VAV3: variants seen among roughly 807,000 people sequenced by gnomAD.
VAV3 encodes guanine nucleotide exchange factor VAV3.
Under a neutral mutation model 131.2 loss-of-function variants are expected in VAV3, and 94 were observed. That is an observed-to-expected ratio of 0.72 (90% CI 0.61 to 0.85). VAV3 has a LOEUF of 0.85. Among genes scored for constraint, VAV3 ranks in the 40% least tolerant of loss-of-function variants. The probability of loss-of-function intolerance (pLI) is 0.00; values close to 1 mark genes in which losing one functional copy is unlikely to be tolerated. For missense variants in VAV3, 939 were observed against 1,002.7 expected (o/e 0.94, Z 0.86); for synonymous variants, 349 against 342.0 (o/e 1.02, Z -0.22).
At chr1:107,695,130 G>A (rs1304574682) in intron 17 of VAV3, among the ~76,000 whole-genome samples, 1 of 152,124 alleles carries the variant, frequency 6.6e-6, no homozygotes, top group Non-Finnish European at 1.5e-5. Flanking sequence ...ACTGTGAGTA[G>A]TTAAAGAGAG....
intron 21 of VAV3, among the ~76,000 whole-genome samples, chr1:107,616,471 ACTAC>A (rs1653162749): frequency 6.6e-6 from 1 of 152,188 alleles, no homozygotes; most frequent in Non-Finnish European, 1.5e-5. Context: ...GGATCTAAAC[ACTAC>A]CTATCAGGTA....
At chr1:107,791,637 T>C (rs1426054496) in intron 2 of VAV3, among the ~76,000 whole-genome samples, 1 of 152,162 alleles carries the variant, frequency 6.6e-6, no homozygotes, top group Non-Finnish European at 1.5e-5. Flanking sequence ...AAATAGTCTG[T>C]GATGGGGCCT....
intron 1 of VAV3, among the ~76,000 whole-genome samples, chr1:107,938,475 G>A (rs749721409): frequency 2.0e-5 from 3 of 152,190 alleles, no homozygotes; most frequent in Non-Finnish European, 4.4e-5. Context: ...TCTGTTCCCT[G>A]TAGAAACAGG....
intron 17 of VAV3, among the ~76,000 whole-genome samples, chr1:107,695,883 T>C (rs758853116): frequency 3.3e-5 from 5 of 152,156 alleles, no homozygotes; most frequent in Non-Finnish European, 7.4e-5. Context: ...GAGTAAAAGA[T>C]TATCTACCTC....
chr1:107,633,895 G>A (rs990970578), intron 20 of VAV3, among the ~76,000 whole-genome samples: 22 of 152,120 alleles, frequency 1.4e-4, no homozygotes, highest in African/African-American at 4.8e-4. Flanking sequence ...ACGGGCATTC[G>A]AGACCTTACA....
chr1:107,585,554 C>T (rs746518871), intron 25 of VAV3, among the ~76,000 whole-genome samples: 2 of 152,136 alleles, frequency 1.3e-5, no homozygotes, highest in African/African-American at 4.8e-5. Flanking sequence ...TCCTCTTGGT[C>T]CTTCTGCTCT....
intron 15 of VAV3, among the ~76,000 whole-genome samples, 190 bp downstream of exon 15, chr1:107,748,778 C>G (rs1359753209): frequency 6.6e-6 from 1 of 152,146 alleles, no homozygotes. Context: ...CAACAAAACT[C>G]CTCTCCTAGG....
intron 19 of VAV3, among the ~76,000 whole-genome samples, chr1:107,661,772 T>G (rs1335631255): frequency 6.6e-6 from 1 of 152,190 alleles, no homozygotes; most frequent in East Asian, 1.9e-4. Context: ...CGTGTATATG[T>G]GTTGTCAAAT....
At chr1:107,635,887 A>G (rs924823752) in intron 20 of VAV3, among the ~76,000 whole-genome samples, 1 of 152,218 alleles carries the variant, frequency 6.6e-6, no homozygotes, top group Non-Finnish European at 1.5e-5. Context: ...CTAAGTTACT[A>G]GCTGTGTGTC....
At chr1:107,767,806 C>T (rs949989361) in intron 7 of VAV3, among the ~76,000 whole-genome samples, 1 of 152,184 alleles carries the variant, frequency 6.6e-6, no homozygotes, top group Non-Finnish European at 1.5e-5. Context: ...TGACATTTAG[C>T]TTGCTTCTAG....
intron 24 of VAV3, among the ~76,000 whole-genome samples, chr1:107,599,285 C>G (rs1651649606): frequency 6.6e-6 from 1 of 152,172 alleles, no homozygotes; most frequent in African/African-American, 2.4e-5. Context: ...CACCATGGAT[C>G]TTTTCCAATT....
chr1:107,872,717 C>T (rs17020234), intron 2 of VAV3, among the ~76,000 whole-genome samples: 10,100 of 152,186 alleles, frequency 0.066, 459 homozygotes, highest in East Asian at 0.21. Context: ...AATGTTTGCA[C>T]TATGGTACAG....
At chr1:107,676,137 T>C (rs1473929461) in intron 19 of VAV3, among the ~76,000 whole-genome samples, 4 of 152,204 alleles carry the variant, frequency 2.6e-5, no homozygotes, top group Non-Finnish European at 5.9e-5. Flanking sequence ...AGCCTCTCTT[T>C]CCTCTCTCTT....
At chr1:107,874,865 A>C in intron 2 of VAV3, 36 bp downstream of exon 2, 1 of 1,560,724 alleles carries the variant, frequency 6.4e-7, no homozygotes, top group Non-Finnish European at 8.8e-7. Context: ...AATGCTTTCC[A>C]GTTAAAAAGT....
At chr1:107,732,788 T>C (rs1309677958) in intron 15 of VAV3, among the ~76,000 whole-genome samples, 1 of 152,162 alleles carries the variant, frequency 6.6e-6, no homozygotes, top group African/African-American at 2.4e-5. Flanking sequence ...GGGCAGGGCA[T>C]AGCTGAATAA....
chr1:107,895,846 C>T (rs1365879700), intron 1 of VAV3, among the ~76,000 whole-genome samples: 2 of 151,154 alleles, frequency 1.3e-5, no homozygotes, highest in African/African-American at 4.9e-5. Flanking sequence ...AAACATTAAT[C>T]ACATAGCAAT....
rs760718551 is a variant in VAV3, at chr1:107,964,790, G to C, written c.80C>G (p.Ser27Trp). Residue 27 changes from serine to tryptophan, a missense_variant, in exon 1 of 27, where the codon TCG becomes TGG. Coordinates refer to ENST00000370056, the MANE Select transcript of VAV3 (RefSeq NM_006113.5). ...LPTNHRVTWD[S>W]AQVFDLAQTL... is the part of the protein sequence containing the mutation. ...CTGCGCAAGGTCGAACACCTGAGCC[G>C]AGTCCCAGGTCACCCGGTGGTTGGT... 6.2e-7 allele frequency: 1 copy of C among 1,614,024 alleles called. No homozygotes were observed. The highest frequency in any genetic ancestry group is 1.1e-5 in the South Asian group (1 of 91,056).
chr1:107,586,436 T>C (rs1317736984), intron 25 of VAV3, among the ~76,000 whole-genome samples: 1 of 152,132 alleles, frequency 6.6e-6, no homozygotes, highest in Non-Finnish European at 1.5e-5. Context: ...AAAGAAGTGC[T>C]TGGATTCGAC....
intron 17 of VAV3, among the ~76,000 whole-genome samples, chr1:107,693,511 A>G (rs771423438): frequency 1.3e-5 from 2 of 152,190 alleles, no homozygotes; most frequent in Non-Finnish European, 2.9e-5. Context: ...AATGAAGACT[A>G]GATTAATATA....
Sources: allele counts gnomAD v4.1 joint callset (sites outside exome capture counted in the v4.1 genomes callset), GRCh38; gene constraint gnomAD v4.1.1; transcripts MANE v1.5; gene names NCBI Gene and HGNC (gene_info 2026-07-23, HGNC 2026-07-21).